The following FRS2 variants were observed in gnomAD, a reference collection of about 807,000 sequenced individuals.
The protein encoded by FRS2 is fibroblast growth factor receptor substrate 2.
In FRS2, 8 loss-of-function variants were observed where a neutral mutation model predicts 43.9. The observed-to-expected ratio is 0.18, with a 90% confidence interval of 0.11 to 0.33. FRS2 has a LOEUF of 0.33. Among genes scored for constraint, FRS2 ranks in the 10% least tolerant of loss-of-function variants. FRS2 has a pLI of 1.00. For synonymous variants in FRS2, 219 were observed against 220.3 expected, an observed-to-expected ratio of 0.99 and a Z score of 0.05; for missense variants, 534 against 627.6, an observed-to-expected ratio of 0.85 and a Z score of 1.59.
intron 1 of FRS2, among the ~76,000 whole-genome samples, chr12:69,526,122 G>A (rs1331884192): frequency 6.6e-6 from 1 of 152,112 alleles, no homozygotes; most frequent in Non-Finnish European, 1.5e-5. Flanking sequence ...CTCCCAAAGT[G>A]CTGGGATTAC....
chr12:69,536,529 G>A (rs1278048673), intron 3 of FRS2, among the ~76,000 whole-genome samples: 1 of 151,084 alleles, frequency 6.6e-6, no homozygotes, highest in Non-Finnish European at 1.5e-5. Flanking sequence ...TTTTTAACTG[G>A]AGAACTTTAG....
intron 1 of FRS2, among the ~76,000 whole-genome samples, chr12:69,527,945 A>G (rs915540914): frequency 6.6e-6 from 1 of 152,254 alleles, no homozygotes; most frequent in African/African-American, 2.4e-5. Context: ...TTTTATACCT[A>G]AGGTCTGATA....
intron 1 of FRS2, among the ~76,000 whole-genome samples, chr12:69,522,536 A>G (rs1875788154): frequency 6.6e-6 from 1 of 151,994 alleles, no homozygotes; most frequent in Admixed American, 6.5e-5. Flanking sequence ...ATTTTTTTCA[A>G]AAAGCCAACT....
intron 1 of FRS2, among the ~76,000 whole-genome samples, chr12:69,495,316 A>T (rs2120999861): frequency 6.6e-6 from 1 of 152,360 alleles, no homozygotes; most frequent in African/African-American, 2.4e-5. Context: ...GTGTTATGAA[A>T]CAAACCTATT....
chr12:69,472,562 A>G (rs1328965094), intron 1 of FRS2, among the ~76,000 whole-genome samples: 1 of 152,238 alleles, frequency 6.6e-6, no homozygotes. Context: ...TTTAAGGGAA[A>G]TACTTCAAGA....
Position 69,528,864 on chromosome 12 carries a change from A to C in FRS2, c.-260-2001A>C, listed in dbSNP as rs1042480318. ...GAGGAGAAATAAGCCAGAGAGAGAG[A>C]TATCTCTTGTTACTGGCAGAGGGAA... On this transcript the variant is annotated intron_variant, in intron 1 of 8. Coordinates refer to ENST00000549921, the MANE Select transcript of FRS2 (RefSeq NM_001278356.2). Among the ~76,000 whole-genome samples the C allele has an allele frequency of 3.9e-5, 6 of 152,354 alleles. No individual in the cohort carries two copies. The East Asian group carries it at 1.2e-3, about 29-fold the overall frequency.
At chr12:69,524,923 C>A (rs145269291) in intron 1 of FRS2, among the ~76,000 whole-genome samples, 1 of 152,278 alleles carries the variant, frequency 6.6e-6, no homozygotes, top group Non-Finnish European at 1.5e-5. Flanking sequence ...TCACTGGGGG[C>A]CAGGAACTAG....
In FRS2 at chr12:69,578,023, T is replaced by C. The variant is rs1881304742; in HGVS notation, c.*3068T>C. ...AAAACTGTGGCACAGCATATAAAAA[T>C]GTACCTCAATAATGTTCTATTAAAA... is the stretch of plus-strand genomic sequence containing the variant. On this transcript the variant is annotated 3_prime_UTR_variant, in exon 9 of 9. Coordinates refer to ENST00000549921, the MANE Select transcript of FRS2 (RefSeq NM_001278356.2). The C allele has an allele frequency of 6.6e-6, 1 of 152,586 alleles. No individual in the cohort carries two copies. Among genetic ancestry groups the C allele is most frequent in the South Asian group, 2.1e-4 (1 of 4,832 alleles). 9.5% of individuals were successfully genotyped at this position (152,586 alleles called of 1,614,324 possible).
At chr12:69,494,208 G>A (rs1250880721) in intron 1 of FRS2, among the ~76,000 whole-genome samples, 3 of 152,128 alleles carry the variant, frequency 2.0e-5, no homozygotes, top group Non-Finnish European at 4.4e-5. Context: ...TTATCTTCAA[G>A]TTCCTTAAAT....
chr12:69,532,820 T>C lies in FRS2; in HGVS notation c.-122+764T>C, dbSNP rs973147189. On this transcript the variant is annotated intron_variant, in intron 3 of 8. Coordinates refer to ENST00000549921, the MANE Select transcript of FRS2 (RefSeq NM_001278356.2). The stretch of plus-strand genomic sequence containing the variant: ...CTTTGGTGGGAAGACCAGAAAGTAC[T>C]GAAGTTGATATTGACTTGTTATTCT... 2.0e-5 allele frequency among the ~76,000 whole-genome samples: 3 copies of C among 152,258 alleles called. No individual in the cohort carries two copies. The South Asian group carries it at 6.2e-4, about 32-fold the overall frequency.
At chr12:69,500,199 T>C (rs1320982257) in intron 1 of FRS2, among the ~76,000 whole-genome samples, 2 of 152,058 alleles carry the variant, frequency 1.3e-5, no homozygotes, top group Admixed American at 1.3e-4. Context: ...TCTCTGAGCC[T>C]AAATCTGCCC....
intron 1 of FRS2, among the ~76,000 whole-genome samples, chr12:69,484,339 C>T (rs221084): frequency 0.093 from 14,162 of 152,198 alleles, 869 homozygotes; most frequent in Non-Finnish European, 0.14. Flanking sequence ...CCGCTTTTGC[C>T]TCCCAGAGTG....
intron 3 of FRS2, among the ~76,000 whole-genome samples, chr12:69,544,832 C>G (rs557559227): frequency 6.6e-6 from 1 of 152,092 alleles, no homozygotes; most frequent in African/African-American, 2.4e-5. Context: ...CCTCTAAGAT[C>G]AGGAACAAGG....
intron 3 of FRS2, among the ~76,000 whole-genome samples, chr12:69,534,268 C>T (rs1178376664): frequency 6.6e-6 from 1 of 152,082 alleles, no homozygotes; most frequent in African/African-American, 2.4e-5. Context: ...TATAAAAGAA[C>T]AGTTATTTTA....
intron 1 of FRS2, among the ~76,000 whole-genome samples, chr12:69,489,548 T>C (rs1212017523): frequency 6.6e-6 from 1 of 151,862 alleles, no homozygotes; most frequent in African/African-American, 2.4e-5. Flanking sequence ...CGCATGCCTG[T>C]AGTCCCAGCT....
intron 3 of FRS2, among the ~76,000 whole-genome samples, chr12:69,559,798 AAAC>A (rs1879731843): frequency 6.6e-6 from 1 of 151,988 alleles, no homozygotes; most frequent in Admixed American, 6.6e-5. Flanking sequence ...AAAAAAAAAA[AAAC>A]AACCAGACCG....
intron 1 of FRS2, among the ~76,000 whole-genome samples, chr12:69,519,577 G>C (rs902369944): frequency 6.2e-5 from 8 of 129,208 alleles, no homozygotes; most frequent in Admixed American, 6.1e-4. Flanking sequence ...CCTCTGGTAG[G>C]CCACAGTTGT....
chr12:69,546,259 G>A (rs1287430714), intron 3 of FRS2, among the ~76,000 whole-genome samples: 4 of 152,064 alleles, frequency 2.6e-5, no homozygotes, highest in African/African-American at 9.6e-5. Flanking sequence ...TCATTAGGAT[G>A]GCTACTTTTT....
At chr12:69,568,629 GA>G (rs1880496239) in intron 4 of FRS2, among the ~76,000 whole-genome samples, 1 of 151,856 alleles carries the variant, frequency 6.6e-6, no homozygotes, top group African/African-American at 2.4e-5. Context: ...AGAAGGACAT[GA>G]AATTCCTGAT....
Sources: gnomAD v4.1 joint callset for allele counts (sites outside exome capture counted in the v4.1 genomes callset) on GRCh38, gnomAD v4.1.1 for gene constraint, MANE v1.5 for transcripts, NCBI Gene and HGNC (gene_info 2026-07-23, HGNC 2026-07-21) for gene names.